ATL1: variants seen among roughly 807,000 people sequenced by gnomAD.
The protein encoded by ATL1 is atlastin GTPase 1, also known as atlastin-1.
In ATL1, 31 loss-of-function variants were observed where a neutral mutation model predicts 75.5. That is an observed-to-expected ratio of 0.41 (90% CI 0.31 to 0.55). The LOEUF (loss-of-function observed/expected upper bound fraction) is 0.55. Ranked by LOEUF, ATL1 falls within the 20% of genes least tolerant of loss-of-function variation. The pLI, the probability that ATL1 is intolerant of heterozygous loss-of-function variation, is 0.27. For synonymous variants in ATL1, 226 were observed against 233.3 expected (o/e 0.97, Z 0.28); for missense variants, 405 against 662.6 (o/e 0.61, Z 4.27).
At chr14:50,538,147 G>A (rs552440735) in intron 1 of ATL1, among the ~76,000 whole-genome samples, 220 of 152,320 alleles carry the variant, frequency 1.4e-3, no homozygotes, top group Non-Finnish European at 2.4e-3. Context: ...TCATGTTCTC[G>A]TGATAGTGAA....
At chr14:50,619,556 G>C (rs1252376508) in intron 8 of ATL1, among the ~76,000 whole-genome samples, 11 of 152,196 alleles carry the variant, frequency 7.2e-5, no homozygotes, top group Admixed American at 5.9e-4. Flanking sequence ...CCTGTGTTCA[G>C]AAGACTTCTC....
intron 1 of ATL1, among the ~76,000 whole-genome samples, chr14:50,564,295 G>A (rs1460236574): frequency 2.6e-5 from 4 of 152,034 alleles, no homozygotes; most frequent in African/African-American, 9.7e-5. Context: ...ATACCACCTG[G>A]GAATTTGAGT....
chr14:50,628,253 C>G lies in ATL1; in HGVS notation c.1342C>G (p.Pro448Ala). 6.2e-7 allele frequency: 1 copy of G among 1,614,116 alleles called. No homozygotes were observed. Among genetic ancestry groups the G allele is most frequent in the Non-Finnish European group, 8.5e-7 (1 of 1,180,030 alleles). ...AAATATCTTCCATGCAGCTCGTACC[C>G]CAGCCACACTGTTTGTAGTCATCTT... ...SKNIFHAART[P>A]ATLFVVIFIT... The change falls in exon 12 of 14, where the codon CCA becomes GCA. Residue 448 changes from proline to alanine, a missense_variant. By Grantham distance (27) the Pro-to-Ala change is conservative. This residue lies in a region of ATL1 where 163 missense variants were observed against 244.1 expected (regional missense o/e 0.67). Coordinates refer to ENST00000358385, the MANE Select transcript of ATL1 (RefSeq NM_015915.5).
intron 4 of ATL1, among the ~76,000 whole-genome samples, chr14:50,593,121 C>T (rs1157465113): frequency 6.6e-6 from 1 of 151,506 alleles, no homozygotes; most frequent in Non-Finnish European, 1.5e-5. Context: ...CTATTTAAAC[C>T]AGATTGACTT....
At chr14:50,537,887 G>A (rs1324876096) in intron 1 of ATL1, among the ~76,000 whole-genome samples, 1 of 152,210 alleles carries the variant, frequency 6.6e-6, no homozygotes, top group East Asian at 1.9e-4. Flanking sequence ...ATTGGTGGAA[G>A]GGACTTGCCT....
intron 1 of ATL1, among the ~76,000 whole-genome samples, chr14:50,545,451 C>T (rs370247864): frequency 6.6e-6 from 1 of 152,098 alleles, no homozygotes; most frequent in South Asian, 2.1e-4. Flanking sequence ...GGGTGGTCGA[C>T]GGCATCCATG....
chr14:50,561,825 G>A (rs936135435), intron 1 of ATL1, among the ~76,000 whole-genome samples: 4 of 152,064 alleles, frequency 2.6e-5, no homozygotes, highest in African/African-American at 9.7e-5. Context: ...GTAAGCATTT[G>A]CAGTGTATCC....
chr14:50,576,562 C>T (rs1259983261), intron 1 of ATL1, among the ~76,000 whole-genome samples: 2 of 152,100 alleles, frequency 1.3e-5, no homozygotes, highest in African/African-American at 4.8e-5. Context: ...GTTATGCATT[C>T]CAAAGGATTT....
At chr14:50,589,776 T>C (rs2039138854) in intron 2 of ATL1, among the ~76,000 whole-genome samples, 4 of 152,176 alleles carry the variant, frequency 2.6e-5, no homozygotes, top group African/African-American at 9.7e-5. Flanking sequence ...TAAAATGCCT[T>C]TTAGAACAAG....
chr14:50,584,432 G>A (rs1055385941), intron 1 of ATL1, among the ~76,000 whole-genome samples: 1 of 151,552 alleles, frequency 6.6e-6, no homozygotes, highest in Non-Finnish European at 1.5e-5. Flanking sequence ...GGCCGGGCGC[G>A]GTGGCTCACG....
intron 1 of ATL1, among the ~76,000 whole-genome samples, chr14:50,565,317 C>CA (rs969825466): frequency 2.7e-4 from 40 of 150,322 alleles, no homozygotes; most frequent in Non-Finnish European, 3.6e-4. Flanking sequence ...AAAAAACAAA[C>CA]AAAAAAAACC....
intron 12 of ATL1, among the ~76,000 whole-genome samples, chr14:50,628,810 A>C (rs1285348211): frequency 6.6e-6 from 1 of 152,062 alleles, no homozygotes; most frequent in African/African-American, 2.4e-5. Flanking sequence ...TCCGCCTCCC[A>C]GGCTCAAGCA....
rs73291750 is a variant in ATL1 at position 50,617,560 on chromosome 14, T to C, written c.863-3039T>C. ...GAGAAAATATCTTCCTTTGTTAATTTATACAGCAATACTATACTAGTGCAT... is the reference window on the plus strand; with the variant it reads ...GAGAAAATATCTTCCTTTGTTAATTCATACAGCAATACTATACTAGTGCAT... On this transcript the variant is annotated intron_variant, in intron 8 of 13. Coordinates refer to ENST00000358385, the MANE Select transcript of ATL1 (RefSeq NM_015915.5). Among the ~76,000 whole-genome samples, 863 of 152,300 alleles carry C rather than the reference T, an allele frequency of 5.7e-3. 4 individuals are homozygous for C. The highest frequency in any genetic ancestry group is 0.019 in the African/African-American group (803 of 41,564).
Position 50,597,220 on chromosome 14 carries a change from C to CAAAAAAA in ATL1, c.630+1595_630+1601dup, listed in dbSNP as rs372066395. ...CAAGACTCTGTCTCAAAAAAACAAA[C>CAAAAAAA]AAAAAAAAAAAAAGAAAAAAGAAAA... is the stretch of plus-strand genomic sequence containing the variant. On this transcript the variant is annotated intron_variant, in intron 6 of 13. Transcript: ENST00000358385. 5.6e-4 allele frequency among the ~76,000 whole-genome samples: 61 copies of CAAAAAAA among 108,374 alleles called. 2 individuals carry two copies. The highest frequency in any genetic ancestry group is 1.9e-3 in the African/African-American group (47 of 24,118). 71.1% of individuals were successfully genotyped at this position (108,374 alleles called of 152,430 possible). A position where few individuals can be genotyped will look rare whatever the true frequency, so the allele number is the denominator to read the frequency against.
chr14:50,632,448 A>C lies in ATL1; in HGVS notation c.*109A>C, dbSNP rs564345741. On this transcript the variant is annotated 3_prime_UTR_variant, in exon 14 of 14. Transcript: ENST00000358385. ...TTCCATCAGAACGGAGTAAAATACT[A>C]AACACCTCTGAAGACTGCAAACTGG... 1 of 779,468 alleles carries C rather than the reference A, an allele frequency of 1.3e-6. No individual in the cohort carries two copies. Among genetic ancestry groups the C allele is most frequent in the East Asian group, 2.8e-5 (1 of 35,638 alleles). 48.3% of individuals were successfully genotyped at this position (779,468 alleles called of 1,614,324 possible).
At chr14:50,581,237 T>G (rs533613633) in intron 1 of ATL1, among the ~76,000 whole-genome samples, 1 of 151,926 alleles carries the variant, frequency 6.6e-6, no homozygotes, top group Non-Finnish European at 1.5e-5. Context: ...ATGATTTTTT[T>G]CAAGCATCTT....
chr14:50,534,747 G>A (rs2038471938), intron 1 of ATL1, among the ~76,000 whole-genome samples: 1 of 152,180 alleles, frequency 6.6e-6, no homozygotes, highest in Non-Finnish European at 1.5e-5. Flanking sequence ...TGCAATTCAT[G>A]CAAAGAGGAA....
intron 5 of ATL1, 52 bp from the exon 6 acceptor site, chr14:50,595,524 C>T: frequency 8.4e-7 from 1 of 1,196,602 alleles, no homozygotes; most frequent in Non-Finnish European, 1.1e-6. Flanking sequence ...AAAGTTCTCT[C>T]TCTCTCTCTC....
At chr14:50,571,408 C>T (rs904429972) in intron 1 of ATL1, among the ~76,000 whole-genome samples, 1 of 152,142 alleles carries the variant, frequency 6.6e-6, no homozygotes, top group African/African-American at 2.4e-5. Flanking sequence ...CCAAGCTTAT[C>T]CCTGGAAGTT....
Sources: gnomAD v4.1 joint callset for allele counts (sites outside exome capture counted in the v4.1 genomes callset) on GRCh38, gnomAD v4.1.1 for gene constraint, gnomAD v4.1.1 regional missense constraint, MANE v1.5 for transcripts, NCBI Gene and HGNC (gene_info 2026-07-23, HGNC 2026-07-21) for gene names.